The following FBXL17 variants were observed in gnomAD, a reference collection of about 807,000 sequenced individuals.
FBXL17 encodes the protein F-box and leucine rich repeat protein 17, also known as F-box/LRR-repeat protein 17.
In FBXL17, 22 loss-of-function variants were observed where a neutral mutation model predicts 66.2. The ratio of observed to expected loss-of-function variants is 0.33; its 90% confidence interval spans 0.24 to 0.47. The LOEUF is 0.47. Ranked by LOEUF, FBXL17 falls within the 20% of genes least tolerant of loss-of-function variation. FBXL17 has a pLI of 1.00. For synonymous variants in FBXL17, 474 were observed against 400.5 expected (o/e 1.18, Z -2.19); for missense variants, 878 against 948.2 (o/e 0.93, Z 0.97).
chr5:108,132,039 T>C (rs1316845831), intron 6 of FBXL17, among the ~76,000 whole-genome samples: 2 of 151,732 alleles, frequency 1.3e-5, no homozygotes, highest in African/African-American at 4.8e-5. Context: ...TGCAATGGCA[T>C]GATCTCGGTT....
chr5:107,979,154 A>G (rs912668307), intron 7 of FBXL17, among the ~76,000 whole-genome samples: 6 of 152,226 alleles, frequency 3.9e-5, no homozygotes, highest in African/African-American at 1.4e-4. Flanking sequence ...CAATAAACTT[A>G]ATAGCTCAAT....
chr5:108,126,631 GTCTCTCTC>G (rs140769664), intron 6 of FBXL17, among the ~76,000 whole-genome samples: 2 of 112,576 alleles, frequency 1.8e-5, no homozygotes, highest in Admixed American at 9.6e-5. Context: ...CTGTCTCTCT[GTCTCTCTC>G]TCTCTCTCTC....
chr5:108,199,471 A>G (rs1753805419), intron 5 of FBXL17, among the ~76,000 whole-genome samples: 1 of 152,186 alleles, frequency 6.6e-6, no homozygotes, highest in African/African-American at 2.4e-5. Context: ...TGATCTTTCT[A>G]TAATTAAGCA....
chr5:108,026,287 GT>G (rs1031516787), intron 6 of FBXL17, among the ~76,000 whole-genome samples: 10 of 151,434 alleles, frequency 6.6e-5, no homozygotes, highest in South Asian at 4.2e-4. Context: ...GCATGAAATA[GT>G]TTTTTTTTAA....
chr5:108,161,931 C>T (rs1267544135), intron 6 of FBXL17, among the ~76,000 whole-genome samples: 3 of 152,082 alleles, frequency 2.0e-5, no homozygotes, highest in Admixed American at 1.3e-4. Context: ...AAACTGTCCA[C>T]GTATGCAAAT....
At chr5:108,055,436 G>A (rs1327629925) in intron 6 of FBXL17, among the ~76,000 whole-genome samples, 17 of 150,608 alleles carry the variant, frequency 1.1e-4, no homozygotes, top group African/African-American at 2.9e-4. Context: ...GTGAAACTCC[G>A]TCTCTACTAA....
rs140382658 is a variant in FBXL17, at chr5:108,106,669, T to C, written c.1745+79448A>G. 2.9e-3 allele frequency among the ~76,000 whole-genome samples: 443 copies of C among 152,306 alleles called. 3 individuals are homozygous for C. Among genetic ancestry groups the C allele is most frequent in the African/African-American group, 0.01 (419 of 41,564 alleles). ...AAGGGTACATATTATATTACAGTAT[T>C]CCACTTATATGAAATGTCCAGAATA... is the stretch of plus-strand genomic sequence containing the variant. On this transcript the variant is annotated intron_variant, in intron 6 of 8. Transcript: ENST00000542267.
At chr5:108,025,334 T>C (rs1754760423) in intron 6 of FBXL17, among the ~76,000 whole-genome samples, 1 of 152,188 alleles carries the variant, frequency 6.6e-6, no homozygotes, top group East Asian at 1.9e-4. Context: ...AAATAAACTT[T>C]AGGATGTTCT....
Position 108,314,598 on chromosome 5 carries a change from G to A in FBXL17, c.1506+33801C>T, listed in dbSNP as rs751443846. On this transcript the variant is annotated intron_variant, in intron 4 of 8. Transcript: ENST00000542267. ...TAAATTTAATTCAGATTAATACTGC[G>A]TTCAAAAGTTAGTCTGTACTACCTA... Among the ~76,000 whole-genome samples the A allele has an allele frequency of 5.2e-4, 79 of 150,960 alleles. 2 individuals are homozygous for A. In the East Asian group the frequency reaches 9.1e-3, roughly 17 times the overall value.
chr5:108,128,071 C>T (rs1413473967), intron 6 of FBXL17, among the ~76,000 whole-genome samples: 4 of 151,854 alleles, frequency 2.6e-5, no homozygotes, highest in Non-Finnish European at 4.4e-5. Flanking sequence ...CAAGGTGAAA[C>T]CATGTCTCTA....
intron 5 of FBXL17, among the ~76,000 whole-genome samples, chr5:108,215,124 T>TAC (rs1237723701): frequency 6.6e-6 from 1 of 152,242 alleles, no homozygotes; most frequent in Non-Finnish European, 1.5e-5. Flanking sequence ...GATAGGCATT[T>TAC]ACATTGTTTC....
intron 6 of FBXL17, among the ~76,000 whole-genome samples, chr5:108,177,342 G>GT (rs1316067908): frequency 1.3e-5 from 2 of 152,166 alleles, no homozygotes; most frequent in East Asian, 3.9e-4. Context: ...AAAATAAGCT[G>GT]TTTTTTAAAA....
chr5:108,347,283 C>T (rs573635783), intron 4 of FBXL17, among the ~76,000 whole-genome samples: 25 of 152,206 alleles, frequency 1.6e-4, no homozygotes, highest in African/African-American at 6.0e-4. Flanking sequence ...TGTATCTAAA[C>T]ATAGAAAAGG....
At chr5:107,941,129 A>ACC in intron 7 of FBXL17, among the ~76,000 whole-genome samples, 1 of 148,570 alleles carries the variant, frequency 6.7e-6, no homozygotes, top group African/African-American at 2.5e-5. Flanking sequence ...AAAAAAAAAA[A>ACC]CCCCACACAC....
chr5:107,915,365 A>T (rs1453015021), intron 7 of FBXL17, among the ~76,000 whole-genome samples: 1 of 152,238 alleles, frequency 6.6e-6, no homozygotes, highest in Non-Finnish European at 1.5e-5. Context: ...CAATAAAAAA[A>T]AGAACCGTAG....
intron 7 of FBXL17, among the ~76,000 whole-genome samples, chr5:108,016,702 T>C (rs983282494): frequency 2.6e-5 from 4 of 152,160 alleles, no homozygotes; most frequent in Non-Finnish European, 5.9e-5. Flanking sequence ...ACAGGTTGAT[T>C]TCACCTTCTT....
At chr5:107,986,286 T>C (rs1580288345) in intron 7 of FBXL17, among the ~76,000 whole-genome samples, 1 of 152,054 alleles carries the variant, frequency 6.6e-6, no homozygotes, top group East Asian at 1.9e-4. Context: ...AATAAACAAT[T>C]ATTCTAATAG....
chr5:108,332,941 C>CAAAAAAAAAAAAAAAAAAAAA (rs34218940), intron 4 of FBXL17, among the ~76,000 whole-genome samples: 2 of 34,760 alleles, frequency 5.8e-5, no homozygotes, highest in East Asian at 9.7e-4. Flanking sequence ...AAAGCAAAAG[C>CAAAAAAAAAAAAAAAAAAAAA]AAAAAAAAAA....
At chr5:108,011,345 C>G (rs928944607) in intron 7 of FBXL17, among the ~76,000 whole-genome samples, 2 of 152,218 alleles carry the variant, frequency 1.3e-5, no homozygotes, top group African/African-American at 4.8e-5. Context: ...GGATGCAGCT[C>G]TTGGGCTTTT....
Sources: allele counts gnomAD v4.1 joint callset (sites outside exome capture counted in the v4.1 genomes callset), GRCh38; gene constraint gnomAD v4.1.1; transcripts MANE v1.5; gene names NCBI Gene and HGNC (gene_info 2026-07-23, HGNC 2026-07-21).